RIMS1: variants seen among roughly 807,000 people sequenced by gnomAD.
RIMS1 encodes the protein regulating synaptic membrane exocytosis protein 1.
Under a neutral mutation model 214.1 loss-of-function variants are expected in RIMS1, and 83 were observed. The ratio of observed to expected loss-of-function variants is 0.39; its 90% CI spans 0.32 to 0.47. The LOEUF is 0.47. Ranked by LOEUF, RIMS1 falls within the 20% of genes least tolerant of loss-of-function variation. RIMS1 has a pLI of 0.99. For missense variants in RIMS1, 2,050 were observed against 2,161.8 expected (o/e 0.95, Z 1.03); for synonymous variants, 793 against 786.8 (o/e 1.01, Z -0.13).
intron 23 of RIMS1, among the ~76,000 whole-genome samples, chr6:72,274,660 G>C (rs1461290718): frequency 6.6e-6 from 1 of 152,156 alleles, no homozygotes; most frequent in Non-Finnish European, 1.5e-5. Context: ...TCCATTGAAA[G>C]GATGTTCTGT....
chr6:72,139,451 C>T (rs2041819421), intron 4 of RIMS1, among the ~76,000 whole-genome samples: 1 of 152,186 alleles, frequency 6.6e-6, no homozygotes, highest in Non-Finnish European at 1.5e-5. Context: ...CCACCCACTG[C>T]TCCTACTCTG....
intron 6 of RIMS1, among the ~76,000 whole-genome samples, chr6:72,196,556 G>GTAC: frequency 7.7e-6 from 1 of 129,260 alleles, no homozygotes; most frequent in African/African-American, 3.0e-5. Context: ...TGCCCTAAAA[G>GTAC]TACTGTGCTG....
intron 1 of RIMS1, among the ~76,000 whole-genome samples, chr6:71,922,784 G>A (rs534703250): frequency 1.3e-5 from 2 of 152,316 alleles, no homozygotes; most frequent in African/African-American, 4.8e-5. Flanking sequence ...GGAGTAGGAT[G>A]TTAGTAGATG....
At chr6:72,380,592 A>G (rs12529336) in intron 29 of RIMS1, among the ~76,000 whole-genome samples, 25,789 of 152,154 alleles carry the variant, frequency 0.17, 2,800 homozygotes, top group Middle Eastern at 0.26. Context: ...TGTGAAGTAA[A>G]TGTGCTATTT....
At chr6:72,308,124 C>T (rs2095323408) in intron 27 of RIMS1, among the ~76,000 whole-genome samples, 1 of 152,020 alleles carries the variant, frequency 6.6e-6, no homozygotes, top group African/African-American at 2.4e-5. Context: ...TTTCTTACAG[C>T]TCTGTCTTTA....
chr6:72,214,987 G>A (rs959353453), intron 6 of RIMS1, among the ~76,000 whole-genome samples: 4 of 152,122 alleles, frequency 2.6e-5, no homozygotes, highest in African/African-American at 9.7e-5. Flanking sequence ...CTCCCAAAGT[G>A]TTGGTATTAT....
At position 72,182,832 on chromosome 6, in the gene RIMS1, A is replaced by G. The variant is rs1413741038; in HGVS notation, c.1361A>G (p.His454Arg). Residue 454 changes from histidine (H) to arginine (R), a missense_variant, in exon 6 of 34, where the codon CAT becomes CGT. By Grantham distance (29) the His-to-Arg change is conservative. Around this residue, in one of 6 missense-constraint regions of RIMS1, gnomAD observed 882 missense variants for 828.9 expected, o/e 1.06. Transcript: ENST00000521978. Reference sequence around the variant, plus strand: ...AACCACAGCCCGCCGGCGCCCAGACATGGGCCGGTTCCCGCAGAAGCCCCG... The same window carrying G: ...AACCACAGCCCGCCGGCGCCCAGACGTGGGCCGGTTCCCGCAGAAGCCCCG... ...LTNHSPPAPR[H>R]GPVPAEAPEL... The G allele has an allele frequency of 1.9e-6, 3 of 1,551,786 alleles. No homozygotes were observed. Among genetic ancestry groups the G allele is most frequent in the Non-Finnish European group, 1.7e-6 (2 of 1,150,646 alleles).
At chr6:72,181,709 G>A (rs2048427377) in intron 5 of RIMS1, among the ~76,000 whole-genome samples, 1 of 152,096 alleles carries the variant, frequency 6.6e-6, no homozygotes, top group Non-Finnish European at 1.5e-5. Flanking sequence ...TAAAGAGCTG[G>A]GCAACTTCAG....
rs115599724 is a variant in RIMS1, at chr6:72,260,311, A to T, written c.3054-394A>T. Reference sequence around the variant, plus strand: ...AAAGCCAAGAAAACTATCACGCTTTAATTTGTTATAAAGTTATAAAAATGT... The same window carrying T: ...AAAGCCAAGAAAACTATCACGCTTTTATTTGTTATAAAGTTATAAAAATGT... On this transcript the variant is annotated intron_variant, in intron 18 of 33. Transcript: ENST00000521978. 8.1e-3 allele frequency among the ~76,000 whole-genome samples: 1,232 copies of T among 152,224 alleles called. 18 individuals are homozygous for T. The highest frequency in any genetic ancestry group is 0.029 in the African/African-American group (1,197 of 41,548).
chr6:72,358,511 T>G (rs1595094339), intron 29 of RIMS1, among the ~76,000 whole-genome samples: 1 of 152,272 alleles, frequency 6.6e-6, no homozygotes, highest in Middle Eastern at 3.4e-3. Flanking sequence ...AATTTGTGTT[T>G]GCAAAATATT....
At chr6:72,251,138 T>G (rs1471079536) in intron 14 of RIMS1, 46 bp downstream of exon 14, 2 of 1,553,944 alleles carry the variant, frequency 1.3e-6, no homozygotes, top group South Asian at 2.4e-5. Flanking sequence ...AATAAAGTTT[T>G]GTGATATTTA....
intron 31 of RIMS1, among the ~76,000 whole-genome samples, chr6:72,396,073 G>A (rs961357483): frequency 6.6e-6 from 1 of 151,302 alleles, no homozygotes; most frequent in African/African-American, 2.4e-5. Context: ...ACAACCAAAT[G>A]GGATTTTTTT....
intron 29 of RIMS1, 141 bp from the exon 30 acceptor site, chr6:72,390,457 A>G: frequency 2.1e-6 from 2 of 964,030 alleles, no homozygotes; most frequent in Middle Eastern, 2.9e-4. Flanking sequence ...GAATCAAGCA[A>G]AGTACTCCCT....
At chr6:72,174,391 C>T (rs187454181) in intron 4 of RIMS1, among the ~76,000 whole-genome samples, 59 of 152,272 alleles carry the variant, frequency 3.9e-4, no homozygotes, top group Admixed American at 3.3e-3. Context: ...CAATTTAGCA[C>T]CCCTTTTGGG....
intron 29 of RIMS1, among the ~76,000 whole-genome samples, chr6:72,376,746 CAAA>C (rs766207091): frequency 8.9e-5 from 10 of 112,628 alleles, no homozygotes; most frequent in East Asian, 3.0e-4. Flanking sequence ...GACTCTGTCT[CAAA>C]AAAAAAAAAA....
intron 28 of RIMS1, among the ~76,000 whole-genome samples, chr6:72,332,652 TTG>T (rs957210187): frequency 1.1e-4 from 17 of 150,406 alleles, no homozygotes; most frequent in African/African-American, 3.2e-4. Flanking sequence ...AACCTGCACA[TTG>T]TGCACATGTA....
intron 4 of RIMS1, among the ~76,000 whole-genome samples, chr6:72,137,930 G>T (rs1021206221): frequency 6.6e-6 from 1 of 151,912 alleles, no homozygotes; most frequent in African/African-American, 2.4e-5. Flanking sequence ...TAGAGACGGG[G>T]TTTCACCATG....
chr6:72,263,389 G>T (rs906049679), intron 19 of RIMS1: 5 of 982,254 alleles, frequency 5.1e-6, no homozygotes, highest in Non-Finnish European at 6.0e-6. Flanking sequence ...CTGTTAAGTG[G>T]AAGTTATTTC....
intron 4 of RIMS1, among the ~76,000 whole-genome samples, chr6:72,102,085 A>G (rs1173783460): frequency 6.6e-6 from 1 of 151,904 alleles, no homozygotes; most frequent in Non-Finnish European, 1.5e-5. Flanking sequence ...AATTACTTTT[A>G]TCTTTGTTTT....
Sources: allele counts gnomAD v4.1 joint callset (sites outside exome capture counted in the v4.1 genomes callset), GRCh38; gene constraint gnomAD v4.1.1; regional missense constraint gnomAD v4.1.1; transcripts MANE v1.5; gene names NCBI Gene and HGNC (gene_info 2026-07-23, HGNC 2026-07-21).